The following JPT2 variants were observed in gnomAD, a reference collection of about 807,000 sequenced individuals.
The protein encoded by JPT2 is CRAMP_1 like.
In JPT2, 9 loss-of-function variants were observed where a neutral mutation model predicts 15.9. The observed-to-expected ratio is 0.57, with a 90% CI of 0.34 to 0.99. JPT2 has a LOEUF of 0.99. Among genes scored for constraint, JPT2 ranks in the 50% least tolerant of loss-of-function variants. JPT2 has a pLI of 0.02. For missense variants in JPT2, 267 were observed against 252.1 expected, an observed-to-expected ratio of 1.06 and a Z score of -0.40; for synonymous variants, 95 against 91.7, an observed-to-expected ratio of 1.04 and a Z score of -0.21.
chr16:1,700,717 A>G lies in JPT2; in HGVS notation c.*1719A>G, dbSNP rs2037174892. On this transcript the variant is annotated 3_prime_UTR_variant, in exon 5 of 5. Coordinates refer to ENST00000248098, the MANE Select transcript of JPT2 (RefSeq NM_144570.3). Reference sequence around the variant, plus strand: ...AAAGTCATTGATGCAACTTGAAAGGAAACAGTTTAATGGTGGAAATGAACT... The same window carrying G: ...AAAGTCATTGATGCAACTTGAAAGGGAACAGTTTAATGGTGGAAATGAACT... The G allele has an allele frequency of 6.5e-6, 1 of 152,978 alleles. No homozygotes were observed. The highest frequency in any genetic ancestry group is 2.1e-4 in the South Asian group (1 of 4,868). The allele number at this position is 152,978 out of a possible 1,614,324, so 9.5% of individuals were successfully genotyped here.
At chr16:1,696,086 G>T (rs149439332) in intron 3 of JPT2, among the ~76,000 whole-genome samples, 19 of 152,000 alleles carry the variant, frequency 1.3e-4, no homozygotes, top group Admixed American at 1.2e-3. Flanking sequence ...AAAACTAGCC[G>T]GGCATGATGG....
At chr16:1,679,488 G>GGTCA (rs1322666163) in intron 1 of JPT2, among the ~76,000 whole-genome samples, 6 of 152,172 alleles carry the variant, frequency 3.9e-5, no homozygotes, top group Admixed American at 3.3e-4. Context: ...GTGAGGTCAA[G>GGTCA]AGTTCGAGAC....
At chr16:1,687,439 G>C (rs569565234) in intron 2 of JPT2, among the ~76,000 whole-genome samples, 2 of 152,296 alleles carry the variant, frequency 1.3e-5, no homozygotes, top group Non-Finnish European at 2.9e-5. Flanking sequence ...TTTTTAGCAA[G>C]GATAGCAGAA....
chr16:1,697,514 C>CA lies in JPT2; in HGVS notation c.337-282dup, dbSNP rs111429583. On this transcript the variant is annotated intron_variant, in intron 3 of 4. Coordinates refer to ENST00000248098, the MANE Select transcript of JPT2 (RefSeq NM_144570.3). ...AATGACTGAACAAGACTCTTGTCTC[C>CA]AAAAAAAAAAAAAAAATTGACTTTG... 9.5e-3 allele frequency among the ~76,000 whole-genome samples: 1,100 copies of CA among 115,576 alleles called. 7 individuals carry two copies. Among genetic ancestry groups the CA allele is most frequent in the East Asian group, 0.058 (241 of 4,134 alleles). The allele number at this position is 115,576 out of a possible 152,430, so 75.8% of individuals were successfully genotyped here. A position where few individuals can be genotyped will look rare whatever the true frequency, so the allele number is the denominator to read the frequency against.
At chr16:1,696,179 A>G (rs1395315055) in intron 3 of JPT2, among the ~76,000 whole-genome samples, 2 of 152,048 alleles carry the variant, frequency 1.3e-5, no homozygotes, top group Non-Finnish European at 2.9e-5. Context: ...CAATGAGTTG[A>G]GACTGCGCCA....
chr16:1,701,419 G>A lies in JPT2; in HGVS notation c.*2421G>A, dbSNP rs2037179317. ...CAGTTGAATTAAACTTAGCAATCACGTGCTCAGAGCTTTTGCCTGTCAGTT... is the reference window on the plus strand; with the variant it reads ...CAGTTGAATTAAACTTAGCAATCACATGCTCAGAGCTTTTGCCTGTCAGTT... On this transcript the variant is annotated 3_prime_UTR_variant, in exon 5 of 5. Coordinates refer to ENST00000248098, the MANE Select transcript of JPT2 (RefSeq NM_144570.3). The A allele has an allele frequency of 6.6e-6, 1 of 152,284 alleles. No homozygotes were observed. The highest frequency in any genetic ancestry group is 2.1e-4 in the South Asian group (1 of 4,830). 9.4% of individuals were successfully genotyped at this position (152,284 alleles called of 1,614,324 possible). A position where few individuals can be genotyped will look rare whatever the true frequency, so the allele number is the denominator to read the frequency against.
In JPT2 at chr16:1,700,076, A is replaced by G. The variant is rs1567473105; in HGVS notation, c.*1078A>G. Reference sequence around the variant, plus strand: ...GTCTGTTTCTGACACCTTTCCAGAAAAAAGTCAATTGTTCAGGTACACCAA... The same window carrying G: ...GTCTGTTTCTGACACCTTTCCAGAAGAAAGTCAATTGTTCAGGTACACCAA... On this transcript the variant is annotated 3_prime_UTR_variant, in exon 5 of 5. Coordinates refer to ENST00000248098, the MANE Select transcript of JPT2 (RefSeq NM_144570.3). 1 of 443,582 alleles carries G rather than the reference A, an allele frequency of 2.3e-6. No homozygotes were observed. The highest frequency in any genetic ancestry group is 4.6e-6 in the Non-Finnish European group (1 of 217,724). The allele number at this position is 443,582 out of a possible 1,614,324, so 27.5% of individuals were successfully genotyped here.
At position 1,685,509 on chromosome 16, in the gene JPT2, A is replaced by G. The variant is rs1458160869; in HGVS notation, c.115A>G (p.Arg39Gly). ...GSPEEATPSS[R>G]PNRMASNIFG... ...TCCAGAAGAAGCTACTCCTTCCAGC[A>G]GGCCTAATAGGATGGCATCTAATAT... The change falls in exon 2 of 5, where the codon AGG becomes GGG. Residue 39 changes from arginine to glycine, a missense_variant. Physicochemically the swap from Arg to Gly is moderately radical, Grantham distance 125. Transcript: ENST00000248098. 6.2e-7 allele frequency: 1 copy of G among 1,614,180 alleles called. No homozygotes were observed. Among genetic ancestry groups the G allele is most frequent in the South Asian group, 1.1e-5 (1 of 91,086 alleles).
rs2037173268 is a variant in JPT2 at position 1,700,401 on chromosome 16, G to A, written c.*1403G>A. 1 of 269,722 alleles carries A rather than the reference G, an allele frequency of 3.7e-6. No homozygotes were observed. Among genetic ancestry groups the A allele is most frequent in the Admixed American group, 3.9e-5 (1 of 25,542 alleles). The allele number at this position is 269,722 out of a possible 1,614,324, so 16.7% of individuals were successfully genotyped here. ...GTTAACAGAGGAGAACGTCTGGGTG[G>A]CGGCAGCAGCTTTGCTCTGAGTGCC... On this transcript the variant is annotated 3_prime_UTR_variant, in exon 5 of 5. Transcript: ENST00000248098.
intron 2 of JPT2, among the ~76,000 whole-genome samples, chr16:1,691,416 A>G (rs1567470793): frequency 6.6e-6 from 1 of 152,222 alleles, no homozygotes; most frequent in Non-Finnish European, 1.5e-5. Flanking sequence ...TGAATAGGGC[A>G]TGTTATTAAA....
chr16:1,685,027 A>G (rs1462289463), intron 1 of JPT2, among the ~76,000 whole-genome samples: 2 of 152,062 alleles, frequency 1.3e-5, no homozygotes, highest in East Asian at 1.9e-4. Context: ...TTCTCAGTAG[A>G]TGTTAAGAAA....
In JPT2 at chr16:1,683,636, C is replaced by T. The variant is rs1302278312; in HGVS notation, c.45-1803C>T. The stretch of plus-strand genomic sequence containing the variant: ...GGTTTCTGGGGTACAGTAGCCAGCC[C>T]GTGGGTCTCTGCAGGCGGAGACTGA... On this transcript the variant is annotated intron_variant, in intron 1 of 4. Transcript: ENST00000248098. 4.3e-6 allele frequency: 6 copies of T among 1,411,136 alleles called. No homozygotes were observed. The Admixed American group carries it at 5.9e-5, about 14-fold the overall frequency. The allele number at this position is 1,411,136 out of a possible 1,614,324, so 87.4% of individuals were successfully genotyped here.
Position 1,698,632 on chromosome 16 carries a change from A to G in JPT2, c.386-179A>G, listed in dbSNP as rs759639937. Among the ~76,000 whole-genome samples, 1 of 152,262 alleles carries G rather than the reference A, an allele frequency of 6.6e-6. No individual in the cohort carries two copies. Among genetic ancestry groups the G allele is most frequent in the Non-Finnish European group, 1.5e-5 (1 of 68,046 alleles). ...TGCCCATTTCAAAACTGCATCTGCT[A>G]ATTACAGTGAGTTGTTTTGGTACCA... On this transcript the variant is annotated intron_variant, in intron 4 of 4. Coordinates refer to ENST00000248098, the MANE Select transcript of JPT2 (RefSeq NM_144570.3). The surrounding 1 kb of genome is among the most constrained non-coding windows in gnomAD (Gnocchi z 4.9).
In JPT2 at chr16:1,682,001, T is replaced by C. The variant is rs1029345443; in HGVS notation, c.45-3438T>C. ...GATAAATTCAGTTCAGTTCGAAAGA[T>C]TGCAGGCCTTCATCCCTTATTTCCA... On this transcript the variant is annotated intron_variant, in intron 1 of 4. Coordinates refer to ENST00000248098, the MANE Select transcript of JPT2 (RefSeq NM_144570.3). Among the ~76,000 whole-genome samples, 7 of 152,246 alleles carry C rather than the reference T, an allele frequency of 4.6e-5. No individual in the cohort carries two copies. In the South Asian group the frequency reaches 8.3e-4, roughly 18 times the overall value.
intron 2 of JPT2, among the ~76,000 whole-genome samples, chr16:1,687,050 A>G (rs1307534781): frequency 1.3e-5 from 2 of 152,196 alleles, no homozygotes; most frequent in Admixed American, 6.5e-5. Context: ...TGTCACCACC[A>G]TGACTCACTG....
intron 1 of JPT2, among the ~76,000 whole-genome samples, chr16:1,680,978 T>C (rs1369432956): frequency 2.0e-5 from 3 of 152,152 alleles, no homozygotes; most frequent in Admixed American, 6.5e-5. Flanking sequence ...AGGTTTTTCT[T>C]CTCCTGTGCG....
At chr16:1,679,210 C>G (rs2037000495) in intron 1 of JPT2, among the ~76,000 whole-genome samples, 1 of 152,150 alleles carries the variant, frequency 6.6e-6, no homozygotes, top group South Asian at 2.1e-4. Flanking sequence ...CTTCAGATGC[C>G]TGAGGTTTTC....
Position 1,698,860 on chromosome 16 carries a change from C to A in JPT2, c.435C>A (p.Ala145=). 1 of 1,614,162 alleles carries A rather than the reference C, an allele frequency of 6.2e-7. No individual in the cohort carries two copies. The change falls in exon 5 of 5, where the codon GCC becomes GCA. Residue 145 remains alanine, a synonymous_variant. Transcript: ENST00000248098. This position sits in a 1 kb window ranked among gnomAD's most constrained non-coding sequence, Gnocchi z 4.9. ...CAGAGCCAGGTGAGAAAGGCAGCGC[C>A]AGAAAAGCAGGCCCCGCCAAGGAGC... The part of the protein sequence containing the change: ...AGAEPGEKGS[A]RKAGPAKEQE...
chr16:1,702,267 A>G (rs2037184852), downstream of JPT2: 1 of 431,680 alleles, frequency 2.3e-6, no homozygotes, highest in African/African-American at 2.0e-5. Context: ...AAGAAAACCA[A>G]CATGCATTAA....
Sources: allele counts gnomAD v4.1 joint callset (sites outside exome capture counted in the v4.1 genomes callset), GRCh38; gene constraint gnomAD v4.1.1; non-coding constraint Gnocchi (gnomAD v3.1); transcripts MANE v1.5; gene names NCBI Gene and HGNC (gene_info 2026-07-23, HGNC 2026-07-21).